The following PDZD2 variants were observed in gnomAD, a reference collection of about 807,000 sequenced individuals.
The protein encoded by PDZD2 is PDZ domain containing 2, also known as PDZ domain-containing protein 2.
PDZD2 carries 90 observed loss-of-function variants against 220.7 expected under a neutral mutation model. The ratio of observed to expected loss-of-function variants is 0.41; its 90% CI spans 0.34 to 0.49. PDZD2 has a LOEUF of 0.49. Ranked by LOEUF, PDZD2 falls within the 20% of genes least tolerant of loss-of-function variation. PDZD2 has a pLI of 0.28. For missense variants in PDZD2, 3,174 were observed against 3,608.5 expected, an observed-to-expected ratio of 0.88 and a Z score of 3.08; for synonymous variants, 1,375 against 1,450.5, an observed-to-expected ratio of 0.95 and a Z score of 1.18.
At chr5:31,950,608 G>A (rs191291027) in intron 2 of PDZD2, among the ~76,000 whole-genome samples, 1 of 152,174 alleles carries the variant, frequency 6.6e-6, no homozygotes, top group East Asian at 1.9e-4. Context: ...TACATTCACA[G>A]TACAAAATTG....
intron 1 of PDZD2, among the ~76,000 whole-genome samples, chr5:31,760,709 A>G (rs1161399151): frequency 6.6e-6 from 1 of 151,964 alleles, no homozygotes; most frequent in Non-Finnish European, 1.5e-5. Context: ...ATCGCTTGAA[A>G]CCAGGAGTTC....
rs34522826 is a variant in PDZD2, at chr5:31,829,333, AT to A, written c.476+29623del. Among the ~76,000 whole-genome samples, 835 of 145,780 alleles carry A rather than the reference AT, an allele frequency of 5.7e-3. 7 individuals are homozygous for A. The highest frequency in any genetic ancestry group is 1.0e-2 in the African/African-American group (396 of 39,664). ...ATATCAAAAGTATTCAGCTTAGTGA[AT>A]TTTTTTTTTTTTTGAGACAGTCTTG... On this transcript the variant is annotated intron_variant, in intron 2 of 24. Transcript: ENST00000438447.
Position 32,090,164 on chromosome 5 carries a change from C to T in PDZD2, c.6716C>T (p.Pro2239Leu). 6.2e-7 allele frequency: 1 copy of T among 1,614,086 alleles called. No individual in the cohort carries two copies. The highest frequency in any genetic ancestry group is 1.1e-5 in the South Asian group (1 of 91,072). The change falls in exon 20 of 25, where the codon CCC becomes CTC. Residue 2239 changes from proline to leucine, a missense_variant. Pro to Leu is a moderately conservative substitution (Grantham distance 98). This residue lies in a region of PDZD2 where 631 missense variants were observed against 789.9 expected (regional missense o/e 0.80). Transcript: ENST00000438447. This position sits in a 1 kb window ranked among gnomAD's most constrained non-coding sequence, Gnocchi z 4.3. ...FSSHFGREGHPPHSLGRSRDS... is the reference protein window; with the variant it reads ...FSSHFGREGHLPHSLGRSRDS... ...AGCCATTTTGGACGGGAGGGTCACCCCCCACACAGCCTGGGTCGCTCTCGG... is the reference window on the plus strand; with the variant it reads ...AGCCATTTTGGACGGGAGGGTCACCTCCCACACAGCCTGGGTCGCTCTCGG...
chr5:31,869,642 T>C (rs1414625913), intron 2 of PDZD2, among the ~76,000 whole-genome samples: 1 of 152,226 alleles, frequency 6.6e-6, no homozygotes, highest in Non-Finnish European at 1.5e-5. Context: ...TATTGTCCAT[T>C]GTCCTTTCCA....
chr5:32,102,747 G>A (rs182781498), intron 24 of PDZD2, among the ~76,000 whole-genome samples: 3 of 152,134 alleles, frequency 2.0e-5, no homozygotes, highest in Non-Finnish European at 4.4e-5. Flanking sequence ...CCATGAAACA[G>A]GACCGAAGAG....
intron 15 of PDZD2, 79 bp from the exon 16 acceptor site, chr5:32,071,305 T>C: frequency 1.9e-6 from 2 of 1,036,298 alleles, no homozygotes; most frequent in Admixed American, 1.7e-5. Context: ...TGCCGCCTCC[T>C]TTTCTAGTTA....
intron 2 of PDZD2, among the ~76,000 whole-genome samples, chr5:31,864,526 T>G (rs1215579951): frequency 6.6e-6 from 1 of 151,900 alleles, no homozygotes; most frequent in Non-Finnish European, 1.5e-5. Flanking sequence ...TTGCATCCTT[T>G]TTTTTTTTTG....
At position 31,651,624 on chromosome 5, in the gene PDZD2, T is replaced by G. The variant is rs538715364; in HGVS notation, c.-361+12187T>G. Among the ~76,000 whole-genome samples the G allele has an allele frequency of 4.0e-5, 6 of 150,170 alleles. No homozygotes were observed. In the South Asian group the frequency reaches 1.3e-3, roughly 31 times the overall value. ...GTGCGCTAGGATAGTTGGACTTGCT[T>G]TATTTATTTATTTATTTATTTTTTT... On this transcript the variant is annotated intron_variant, in intron 1 of 24. Coordinates refer to ENST00000438447, the MANE Select transcript of PDZD2 (RefSeq NM_178140.4).
intron 1 of PDZD2, among the ~76,000 whole-genome samples, chr5:31,776,436 A>C (rs1752648255): frequency 6.7e-6 from 1 of 150,160 alleles, no homozygotes. Flanking sequence ...TACTCCCCAT[A>C]CATTGTGTTT....
chr5:31,916,061 A>G (rs1045557465), intron 2 of PDZD2, among the ~76,000 whole-genome samples: 3 of 152,218 alleles, frequency 2.0e-5, no homozygotes, highest in Non-Finnish European at 4.4e-5. Flanking sequence ...CTGAATCTGT[A>G]GAGGGTAAAC....
intron 2 of PDZD2, among the ~76,000 whole-genome samples, chr5:31,819,588 C>G (rs1351760279): frequency 7.0e-6 from 1 of 143,016 alleles, no homozygotes; most frequent in East Asian, 2.0e-4. Flanking sequence ...ACCTGGGAGG[C>G]TGAGGTTGCA....
intron 6 of PDZD2, among the ~76,000 whole-genome samples, chr5:32,019,410 C>T (rs2112128709): frequency 6.6e-6 from 1 of 152,328 alleles, no homozygotes; most frequent in South Asian, 2.1e-4. Flanking sequence ...TCCCAAAGTA[C>T]TGGGATTGCA....
intron 2 of PDZD2, among the ~76,000 whole-genome samples, chr5:31,928,574 C>T (rs1324375008): frequency 6.6e-6 from 1 of 152,152 alleles, no homozygotes; most frequent in African/African-American, 2.4e-5. Context: ...CTCCCAGGTT[C>T]AAGGGGTTCT....
intron 2 of PDZD2, among the ~76,000 whole-genome samples, chr5:31,917,123 T>C (rs1233951295): frequency 6.6e-6 from 1 of 152,158 alleles, no homozygotes; most frequent in Non-Finnish European, 1.5e-5. Flanking sequence ...AAGTGTTTAG[T>C]GGCCACATTC....
intron 1 of PDZD2, among the ~76,000 whole-genome samples, chr5:31,699,748 C>T (rs1747533551): frequency 1.3e-5 from 2 of 150,858 alleles, no homozygotes; most frequent in Non-Finnish European, 2.9e-5. Context: ...GGATTCCAGG[C>T]ATACTACCAT....
At chr5:32,018,069 G>A (rs1753909832) in intron 6 of PDZD2, among the ~76,000 whole-genome samples, 1 of 152,190 alleles carries the variant, frequency 6.6e-6, no homozygotes, top group Non-Finnish European at 1.5e-5. Flanking sequence ...GAAAAAAAGA[G>A]CCAGGACAAA....
chr5:32,087,424 G>A lies in PDZD2; in HGVS notation c.3976G>A (p.Ala1326Thr), dbSNP rs1742588804. ...CAGGAGGGTGGCTGCCCTCAGGGGAGCGGGACCTGGAGCAGAGGGAATGAC... is the reference window on the plus strand; with the variant it reads ...CAGGAGGGTGGCTGCCCTCAGGGGAACGGGACCTGGAGCAGAGGGAATGAC... ...NTRRVAALRG[A>T]GPGAEGMTPA... The change falls in exon 20 of 25, where the codon GCG becomes ACG. Residue 1326 changes from alanine to threonine, a missense_variant. This residue lies in a region of PDZD2 where 1,861 missense variants were observed against 2,001.0 expected (regional missense o/e 0.93). Transcript: ENST00000438447. This position sits in a 1 kb window ranked among gnomAD's most constrained non-coding sequence, Gnocchi z 4.0. The A allele has an allele frequency of 6.2e-7, 1 of 1,614,028 alleles. No homozygotes were observed. Among genetic ancestry groups the A allele is most frequent in the Non-Finnish European group, 8.5e-7 (1 of 1,180,020 alleles).
chr5:32,101,142 A>C lies in PDZD2; in HGVS notation c.8256A>C (p.Glu2752Asp). ...CTGTACACGATGCTCTGTGTGTTGA[A>C]GTGCTGAAGACCTCGGCTGGGCTGG... is the stretch of plus-strand genomic sequence containing the variant. The part of the protein sequence containing the change: ...SVAVHDALCV[E>D]VLKTSAGLGL... The change falls in exon 24 of 25, where the codon GAA (glutamate) becomes GAC (aspartate). Residue 2752 changes from glutamate to aspartate, a missense_variant. Physicochemically the swap from Glu to Asp is conservative, Grantham distance 45. Around this residue, in one of 4 missense-constraint regions of PDZD2, gnomAD observed 631 missense variants for 789.9 expected, o/e 0.80. Transcript: ENST00000438447. 6.2e-7 allele frequency: 1 copy of C among 1,614,102 alleles called. No individual in the cohort carries two copies. The highest frequency in any genetic ancestry group is 1.1e-5 in the South Asian group (1 of 91,078).
rs759786770 is a variant in PDZD2 at position 32,088,064 on chromosome 5, G to T, written c.4616G>T (p.Gly1539Val). The T allele has an allele frequency of 1.9e-6, 3 of 1,614,074 alleles. No individual in the cohort carries two copies. The highest frequency in any genetic ancestry group is 4.5e-5 in the East Asian group (2 of 44,882). ...CATGAAGACAGCACCTCCCTATCAG[G>T]CCTGGGTGACAGCACGGAGCCGTCT... ...SFHEDSTSLS[G>V]LGDSTEPSLS... The change falls in exon 20 of 25, where the codon GGC (glycine) becomes GTC (valine). Residue 1539 changes from glycine (G) to valine (V), a missense_variant. Gly to Val is a moderately radical substitution (Grantham distance 109). Around this residue, in one of 4 missense-constraint regions of PDZD2, gnomAD observed 1,861 missense variants for 2,001.0 expected, o/e 0.93. Coordinates refer to ENST00000438447, the MANE Select transcript of PDZD2 (RefSeq NM_178140.4). The surrounding 1 kb of genome is among the most constrained non-coding windows in gnomAD (Gnocchi z 4.6).
Sources: gnomAD v4.1 joint callset for allele counts (sites outside exome capture counted in the v4.1 genomes callset) on GRCh38, gnomAD v4.1.1 for gene constraint, gnomAD v4.1.1 regional missense constraint, Gnocchi (gnomAD v3.1) non-coding constraint, MANE v1.5 for transcripts, NCBI Gene and HGNC (gene_info 2026-07-23, HGNC 2026-07-21) for gene names.